Variants in UTP4 observed in about 807,000 individuals in gnomAD.
UTP4 encodes the protein UTP4 small subunit processome component.
Under a neutral mutation model 82.4 loss-of-function variants are expected in UTP4, and 45 were observed. That is an observed-to-expected ratio of 0.55 (90% CI 0.43 to 0.70). UTP4 has a LOEUF of 0.70. Ranked by LOEUF, UTP4 falls within the 30% of genes least tolerant of loss-of-function variation. The pLI is 0.00. For missense variants in UTP4, 819 were observed against 858.3 expected (o/e 0.95, Z 0.57); for synonymous variants, 348 against 300.3 (o/e 1.16, Z -1.64).
intron 5 of UTP4, among the ~76,000 whole-genome samples, chr16:69,141,229 CTGAT>C (rs1370881159): frequency 9.2e-5 from 14 of 152,222 alleles, no homozygotes; most frequent in African/African-American, 3.4e-4. Context: ...ATCTGAAACT[CTGAT>C]TGATTTTTCC....
At chr16:69,139,945 T>A in intron 5 of UTP4, 31 bp downstream of exon 5, 1 of 1,508,636 alleles carries the variant, frequency 6.6e-7, no homozygotes, top group Non-Finnish European at 9.2e-7. Flanking sequence ...ATTTGGGGTG[T>A]GGGTTTTGTC....
intron 2 of UTP4, 48 bp from the exon 3 acceptor site, chr16:69,136,648 T>A: frequency 6.3e-7 from 1 of 1,593,250 alleles, no homozygotes; most frequent in African/African-American, 1.3e-5. Context: ...TCAGTACCGG[T>A]ACCTGATGAA....
intron 8 of UTP4, among the ~76,000 whole-genome samples, chr16:69,151,620 C>T (rs1018390339): frequency 2.1e-5 from 3 of 143,738 alleles, no homozygotes; most frequent in African/African-American, 8.2e-5. Flanking sequence ...GTGCCCAGCC[C>T]CTGCCTTTTT....
At position 69,133,521 on chromosome 16, in the gene UTP4, G is replaced by A; in HGVS notation, c.62G>A (p.Cys21Tyr). 10 of 1,614,178 alleles carry A rather than the reference G, an allele frequency of 6.2e-6. No individual in the cohort carries two copies. The highest frequency in any genetic ancestry group is 8.5e-6 in the Non-Finnish European group (10 of 1,180,012). Residue 21 changes from cysteine (C) to tyrosine (Y), a missense_variant, in exon 2 of 17, where the codon TGT becomes TAT. Coordinates refer to ENST00000314423, the MANE Select transcript of UTP4 (RefSeq NM_032830.3). The part of the protein sequence containing the change: ...FFNYVPSGIR[C>Y]VAYNNQSNRL... ...AATTATGTTCCATCAGGAATCCGCT[G>A]TGTGGCTTACAATAACCAGTCAAAC... is the stretch of plus-strand genomic sequence containing the variant.
chr16:69,151,331 T>C (rs1289214721), intron 8 of UTP4, among the ~76,000 whole-genome samples: 1 of 149,378 alleles, frequency 6.7e-6, no homozygotes, highest in Admixed American at 6.7e-5. Context: ...TTTTCTTTTT[T>C]TTTTTTTTTG....
Position 69,150,816 on chromosome 16 carries a change from C to T in UTP4, c.914C>T (p.Thr305Ile). 6.2e-7 allele frequency: 1 copy of T among 1,614,052 alleles called. No homozygotes were observed. Among genetic ancestry groups the T allele is most frequent in the South Asian group, 1.1e-5 (1 of 91,082 alleles). Residue 305 changes from threonine to isoleucine, a missense_variant, in exon 8 of 17, where the codon ACT (threonine) becomes ATT (isoleucine). Thr to Ile is a moderately conservative substitution (Grantham distance 89, BLOSUM62 -1). Coordinates refer to ENST00000314423, the MANE Select transcript of UTP4 (RefSeq NM_032830.3). ...HSPTALISGG[T>I]DTHLVFRPLM... The stretch of plus-strand genomic sequence containing the variant: ...ACCTTCTCCCCTGCTTTCCCAGGCA[C>T]TGACACCCACTTAGTCTTTCGTCCT...
chr16:69,151,432 C>T (rs998634139), intron 8 of UTP4, among the ~76,000 whole-genome samples: 5 of 151,920 alleles, frequency 3.3e-5, no homozygotes, highest in African/African-American at 1.2e-4. Context: ...TGCCATTCTC[C>T]TGCCTCAGCC....
chr16:69,144,950 T>A (rs1307701819), intron 6 of UTP4, among the ~76,000 whole-genome samples: 1 of 152,064 alleles, frequency 6.6e-6, no homozygotes, highest in African/African-American at 2.4e-5. Flanking sequence ...AAGACGAGCC[T>A]GGTCAACATG....
chr16:69,139,358 G>C (rs1212848550), intron 4 of UTP4, among the ~76,000 whole-genome samples: 6 of 152,002 alleles, frequency 3.9e-5, no homozygotes, highest in Admixed American at 3.3e-4. Flanking sequence ...AGGTGTCTCA[G>C]CTGGGCACGA....
intron 2 of UTP4, 110 bp from the exon 3 acceptor site, chr16:69,136,586 C>T: frequency 9.9e-7 from 1 of 1,011,662 alleles, no homozygotes; most frequent in Admixed American, 1.7e-5. Context: ...GCACAAAACC[C>T]CACACTAGTT....
chr16:69,155,000 G>A lies in UTP4; in HGVS notation c.1164+543G>A, dbSNP rs775756756. Among the ~76,000 whole-genome samples, 74 of 151,866 alleles carry A rather than the reference G, an allele frequency of 4.9e-4. 2 individuals are homozygous for A. The highest frequency in any genetic ancestry group is 1.5e-3 in the African/African-American group (64 of 41,416). On this transcript the variant is annotated intron_variant, in intron 10 of 16. Coordinates refer to ENST00000314423, the MANE Select transcript of UTP4 (RefSeq NM_032830.3). ...CTCCCAAAGTGCTGGGATTATAGGC[G>A]TGAGCCACCGCGCCCAGCCATGTGC...
intron 13 of UTP4, among the ~76,000 whole-genome samples, chr16:69,162,386 G>A (rs1963585828): frequency 6.6e-6 from 1 of 151,786 alleles, no homozygotes. Flanking sequence ...AACCAGCCCG[G>A]CCAACATAGT....
At chr16:69,151,471 A>G in intron 8 of UTP4, among the ~76,000 whole-genome samples, 1 of 151,038 alleles carries the variant, frequency 6.6e-6, no homozygotes, top group East Asian at 1.9e-4. Flanking sequence ...ACAGGTGCCC[A>G]CCACCACGCC....
intron 1 of UTP4, 82 bp from the exon 2 acceptor site, chr16:69,133,376 C>A: frequency 2.2e-6 from 3 of 1,365,300 alleles, no homozygotes; most frequent in Non-Finnish European, 2.1e-6. Context: ...CCAGCCAGAA[C>A]AGTGATATTA....
chr16:69,144,033 C>T (rs1463280374), intron 6 of UTP4, among the ~76,000 whole-genome samples: 1 of 151,282 alleles, frequency 6.6e-6, no homozygotes, highest in East Asian at 1.9e-4. Flanking sequence ...GATTACAGGC[C>T]CCTGTCACCA....
intron 2 of UTP4, among the ~76,000 whole-genome samples, 176 bp downstream of exon 2, chr16:69,133,794 CTG>C (rs1326851772): frequency 6.6e-6 from 1 of 152,192 alleles, no homozygotes; most frequent in East Asian, 1.9e-4. Flanking sequence ...CAGTTTCAAT[CTG>C]TGTAATGTTG....
chr16:69,157,262 A>C lies in UTP4; in HGVS notation c.1444+22A>C, dbSNP rs137947259. 1.5e-4 allele frequency: 240 copies of C among 1,613,216 alleles called. 1 individual carries two copies. In the African/African-American group the frequency reaches 2.9e-3, roughly 20 times the overall value. On this transcript the variant is annotated intron_variant, in intron 12 of 16. Coordinates refer to ENST00000314423, the MANE Select transcript of UTP4 (RefSeq NM_032830.3). ...TCAGGTGGGAATCTGGTAACTGGCC[A>C]TGGGGAGACTTGTCGTGTCTAAGAT... is the stretch of plus-strand genomic sequence containing the variant.
intron 2 of UTP4, among the ~76,000 whole-genome samples, chr16:69,134,923 G>A (rs1858069054): frequency 6.6e-6 from 1 of 151,364 alleles, no homozygotes; most frequent in Admixed American, 6.6e-5. Context: ...CTGACCTCAA[G>A]TGATCTGCCC....
In UTP4 at chr16:69,150,820, C is replaced by T. The variant is rs959674857; in HGVS notation, c.918C>T (p.Asp306=). ...SPTALISGGT[D]THLVFRPLME... is the part of the protein sequence containing the mutation. Reference sequence around the variant, plus strand: ...TCTCCCCTGCTTTCCCAGGCACTGACACCCACTTAGTCTTTCGTCCTCTCA... The same window carrying T: ...TCTCCCCTGCTTTCCCAGGCACTGATACCCACTTAGTCTTTCGTCCTCTCA... The change falls in exon 8 of 17, where the codon GAC becomes GAT. Residue 306 remains aspartate (D), a synonymous_variant. Coordinates refer to ENST00000314423, the MANE Select transcript of UTP4 (RefSeq NM_032830.3). The T allele has an allele frequency of 2.5e-6, 4 of 1,614,066 alleles. No homozygotes were observed. Among genetic ancestry groups the T allele is most frequent in the Non-Finnish European group, 3.4e-6 (4 of 1,179,920 alleles).
Sources: gnomAD v4.1 joint callset for allele counts (sites outside exome capture counted in the v4.1 genomes callset) on GRCh38, gnomAD v4.1.1 for gene constraint, MANE v1.5 for transcripts, NCBI Gene and HGNC (gene_info 2026-07-23, HGNC 2026-07-21) for gene names.